GLG1: variants seen among roughly 807,000 people sequenced by gnomAD.
GLG1 encodes the protein Golgi apparatus protein 1.
In GLG1, 38 loss-of-function variants were observed where a neutral mutation model predicts 160.5. The ratio of observed to expected loss-of-function variants is 0.24; its 90% confidence interval spans 0.18 to 0.31. GLG1 has a LOEUF of 0.31. Ranked by LOEUF, GLG1 falls within the 10% of genes least tolerant of loss-of-function variation. The pLI is 1.00. For missense variants in GLG1, 1,373 were observed against 1,505.2 expected, an observed-to-expected ratio of 0.91 and a Z score of 1.45; for synonymous variants, 644 against 543.4, an observed-to-expected ratio of 1.19 and a Z score of -2.57.
intron 1 of GLG1, among the ~76,000 whole-genome samples, chr16:74,580,116 T>C (rs1314400686): frequency 1.3e-5 from 2 of 152,102 alleles, no homozygotes; most frequent in Non-Finnish European, 2.9e-5. Context: ...CTGAATCTCA[T>C]GTTGCACCAT....
chr16:74,587,344 G>A (rs1314966306), intron 1 of GLG1, among the ~76,000 whole-genome samples: 1 of 151,910 alleles, frequency 6.6e-6, no homozygotes, highest in Non-Finnish European at 1.5e-5. Flanking sequence ...TAAACTTTAG[G>A]GTATCTAAAG....
At chr16:74,479,830 C>A (rs1174237136) in intron 11 of GLG1, among the ~76,000 whole-genome samples, 1 of 152,172 alleles carries the variant, frequency 6.6e-6, no homozygotes, top group Non-Finnish European at 1.5e-5. Flanking sequence ...GGTTTCTGCT[C>A]CAACCAGTCC....
intron 11 of GLG1, among the ~76,000 whole-genome samples, chr16:74,479,120 G>A (rs372060327): frequency 1.5e-5 from 2 of 134,038 alleles, no homozygotes; most frequent in Non-Finnish European, 1.5e-5. Context: ...AGCTACTCGG[G>A]AGGCTGAGGC....
intron 2 of GLG1, among the ~76,000 whole-genome samples, chr16:74,523,788 T>C (rs1481548451): frequency 6.6e-6 from 1 of 152,178 alleles, no homozygotes; most frequent in Non-Finnish European, 1.5e-5. Flanking sequence ...CCTTCTATCA[T>C]GAGACTTTAC....
intron 2 of GLG1, among the ~76,000 whole-genome samples, chr16:74,520,024 T>C (rs1196645785): frequency 1.3e-5 from 2 of 152,244 alleles, no homozygotes; most frequent in Non-Finnish European, 2.9e-5. Context: ...GTTTGCTCTA[T>C]AGTTAAGTCA....
intron 1 of GLG1, among the ~76,000 whole-genome samples, chr16:74,603,516 T>C (rs753556865): frequency 6.6e-6 from 1 of 151,668 alleles, no homozygotes; most frequent in African/African-American, 2.4e-5. Context: ...GCTCAAGCAA[T>C]CCTCCTGCCT....
At chr16:74,519,986 T>C (rs750973927) in intron 2 of GLG1, among the ~76,000 whole-genome samples, 27 of 152,208 alleles carry the variant, frequency 1.8e-4, no homozygotes, top group Non-Finnish European at 3.4e-4. Flanking sequence ...ACACAGAATA[T>C]TGTATTTATT....
At chr16:74,570,473 C>T (rs1293312888) in intron 1 of GLG1, among the ~76,000 whole-genome samples, 1 of 152,058 alleles carries the variant, frequency 6.6e-6, no homozygotes, top group African/African-American at 2.4e-5. Context: ...AAAAAATGCA[C>T]TGAAAGAAAA....
chr16:74,452,957 C>CG lies in GLG1; in HGVS notation c.*209dup. The stretch of plus-strand genomic sequence containing the variant: ...TGCCAAACAAAGGCAGTAACCCCAG[C>CG]GACCAGCTGCTGCTGCTGCACGGTG... On this transcript the variant is annotated 3_prime_UTR_variant, in exon 26 of 26. Transcript: ENST00000422840. 11 of 1,258,246 alleles carry CG rather than the reference C, an allele frequency of 8.7e-6. No individual in the cohort carries two copies. Among genetic ancestry groups the CG allele is most frequent in the Non-Finnish European group, 1.1e-5 (11 of 1,001,480 alleles). 77.9% of individuals were successfully genotyped at this position (1,258,246 alleles called of 1,614,324 possible).
At chr16:74,565,465 C>G (rs1484820939) in intron 1 of GLG1, among the ~76,000 whole-genome samples, 2 of 152,200 alleles carry the variant, frequency 1.3e-5, no homozygotes, top group Non-Finnish European at 2.9e-5. Context: ...TGTAACCTGA[C>G]TAGAAGAGAA....
intron 1 of GLG1, among the ~76,000 whole-genome samples, chr16:74,536,393 T>G (rs1366780537): frequency 6.6e-6 from 1 of 152,156 alleles, no homozygotes; most frequent in African/African-American, 2.4e-5. Flanking sequence ...CCCAAGAAAT[T>G]AGCCAACAAG....
intron 3 of GLG1, among the ~76,000 whole-genome samples, chr16:74,505,631 G>A (rs973966933): frequency 6.6e-6 from 1 of 152,110 alleles, no homozygotes; most frequent in South Asian, 2.1e-4. Flanking sequence ...GAGGCAGGTG[G>A]ACTGCCGGAG....
intron 8 of GLG1, among the ~76,000 whole-genome samples, chr16:74,490,193 A>G (rs944916677): frequency 1.3e-5 from 2 of 152,210 alleles, no homozygotes; most frequent in Non-Finnish European, 2.9e-5. Context: ...CAACATGGAC[A>G]ACAGGAATGA....
chr16:74,470,213 C>G, intron 15 of GLG1, 140 bp from the exon 16 acceptor site: 1 of 657,930 alleles, frequency 1.5e-6, no homozygotes, highest in Non-Finnish European at 2.8e-6. Flanking sequence ...GACATCACGA[C>G]CTGCTCATCT....
chr16:74,575,017 G>T lies in GLG1; in HGVS notation c.438+31640C>A, dbSNP rs1214299701. On this transcript the variant is annotated intron_variant, in intron 1 of 25. Coordinates refer to ENST00000422840, the MANE Select transcript of GLG1 (RefSeq NM_001145667.2). ...GCACTTTGGGAGGCCGGGGGGGGGGGGGGGGCGGATCACGAGGTCAAGAGT... is the reference window on the plus strand; with the variant it reads ...GCACTTTGGGAGGCCGGGGGGGGGGTGGGGGCGGATCACGAGGTCAAGAGT... Among the ~76,000 whole-genome samples, 4 of 55,280 alleles carry T rather than the reference G, an allele frequency of 7.2e-5. 2 individuals carry two copies. Among genetic ancestry groups the T allele is most frequent in the African/African-American group, 2.6e-4 (4 of 15,556 alleles). 36.3% of individuals were successfully genotyped at this position (55,280 alleles called of 152,430 possible).
chr16:74,578,548 T>C (rs562348139), intron 1 of GLG1, among the ~76,000 whole-genome samples: 3 of 152,118 alleles, frequency 2.0e-5, no homozygotes, highest in South Asian at 4.1e-4. Flanking sequence ...GCTAAAACAG[T>C]TGAAATTGCA....
chr16:74,569,091 T>A (rs1269011028), intron 1 of GLG1, among the ~76,000 whole-genome samples: 1 of 152,190 alleles, frequency 6.6e-6, no homozygotes, highest in African/African-American at 2.4e-5. Flanking sequence ...GGAAATCTAA[T>A]GAGATAGTCC....
intron 1 of GLG1, among the ~76,000 whole-genome samples, chr16:74,603,268 G>T (rs1958486109): frequency 6.6e-6 from 1 of 151,662 alleles, no homozygotes; most frequent in Non-Finnish European, 1.5e-5. Flanking sequence ...AAATTAGCTG[G>T]GCGAGGTGGT....
intron 25 of GLG1, among the ~76,000 whole-genome samples, chr16:74,456,212 A>T (rs2014531586): frequency 6.6e-6 from 1 of 152,206 alleles, no homozygotes; most frequent in East Asian, 1.9e-4. Context: ...TCAGCGGTGA[A>T]CAGTGGGCGA....
Sources: allele counts gnomAD v4.1 joint callset (sites outside exome capture counted in the v4.1 genomes callset), GRCh38; gene constraint gnomAD v4.1.1; transcripts MANE v1.5; gene names NCBI Gene and HGNC (gene_info 2026-07-23, HGNC 2026-07-21).